The following TXNRD2 variants were observed in gnomAD, a reference collection of about 807,000 sequenced individuals.
TXNRD2 encodes thioredoxin reductase 2, mitochondrial.
Under a neutral mutation model 70.8 loss-of-function variants are expected in TXNRD2, and 67 were observed. The ratio of observed to expected loss-of-function variants is 0.95; its 90% CI spans 0.78 to 1.16. The LOEUF is 1.16. TXNRD2 is among the 50% of genes most tolerant of loss of function. TXNRD2 has a pLI of 0.00. For synonymous variants in TXNRD2, 301 were observed against 295.8 expected (o/e 1.02, Z -0.18); for missense variants, 644 against 719.9 (o/e 0.89, Z 1.21).
chr22:19,885,185 G>A (rs930656242), intron 11 of TXNRD2, among the ~76,000 whole-genome samples: 3 of 152,188 alleles, frequency 2.0e-5, no homozygotes, highest in African/African-American at 7.2e-5. Context: ...CCAGGCCAGC[G>A]GATGGCCACA....
intron 1 of TXNRD2, chr22:19,932,291 G>A: frequency 6.2e-7 from 1 of 1,611,614 alleles, no homozygotes; most frequent in Non-Finnish European, 8.5e-7. Flanking sequence ...TGGGCACAGG[G>A]AGAGCTGCCT....
chr22:19,878,133 G>A lies in TXNRD2; in HGVS notation c.1402C>T (p.Pro468Ser), dbSNP rs1290690507. 2 of 1,613,310 alleles carry A rather than the reference G, an allele frequency of 1.2e-6. No homozygotes were observed. The highest frequency in any genetic ancestry group is 1.3e-5 in the African/African-American group (1 of 74,910). The change falls in exon 16 of 18, where the codon CCC (proline) becomes TCC (serine). Residue 468 changes from proline (P) to serine (S), a missense_variant. This residue lies in a region of TXNRD2 where 566 missense variants were observed against 645.0 expected (regional missense o/e 0.88). Coordinates refer to ENST00000400521, the MANE Select transcript of TXNRD2 (RefSeq NM_006440.5). ...CCTTGAGTAACTTCGCCTGCGTTGG[G>A]GCCAAGGAAATGCAGGCCCAGCACC... ...QLVLGLHFLG[P>S]NAGEVTQGFA...
chr22:19,896,860 G>A (rs62222121), intron 10 of TXNRD2, among the ~76,000 whole-genome samples: 18,736 of 152,188 alleles, frequency 0.12, 1,283 homozygotes, highest in Non-Finnish European at 0.15. Flanking sequence ...CGCACAGGCT[G>A]TTCATCACTC....
intron 2 of TXNRD2, among the ~76,000 whole-genome samples, 157 bp downstream of exon 2, chr22:19,930,873 G>A (rs1013082929): frequency 6.6e-6 from 1 of 152,214 alleles, no homozygotes; most frequent in African/African-American, 2.4e-5. Flanking sequence ...CAGACAGCTG[G>A]AGAGTGGCAG....
Position 19,878,366 on chromosome 22 carries a change from C to T in TXNRD2, c.1347G>A (p.Lys449=). The T allele has an allele frequency of 6.2e-7, 1 of 1,613,842 alleles. No homozygotes were observed. The highest frequency in any genetic ancestry group is 1.1e-5 in the South Asian group (1 of 91,086). ...AGRDASQCYV[K]MVCLREPPQL... is the part of the protein sequence containing the mutation. ...CACCCTGGGCCACAGGGATGCTCAC[C>T]TTTACATAACACTGGGATGCATCTC... The change falls in exon 15 of 18, where the codon AAG becomes AAA. Residue 449 remains lysine, a splice_region_variant and synonymous_variant. Coordinates refer to ENST00000400521, the MANE Select transcript of TXNRD2 (RefSeq NM_006440.5).
At position 19,931,684 on chromosome 22, in the gene TXNRD2, G is replaced by A. The variant is rs550060968; in HGVS notation, c.104-586C>T. On this transcript the variant is annotated intron_variant, in intron 1 of 17. Coordinates refer to ENST00000400521, the MANE Select transcript of TXNRD2 (RefSeq NM_006440.5). ...ACGTCCAGCTAAATTTTTTTGTTTT[G>A]TAGAGATGGGGTCTGGCTATGTTGC... is the stretch of plus-strand genomic sequence containing the variant. 2.6e-5 allele frequency among the ~76,000 whole-genome samples: 4 copies of A among 152,152 alleles called. No homozygotes were observed. In the South Asian group the frequency reaches 6.2e-4, roughly 24 times the overall value.
In TXNRD2 at chr22:19,883,382, C is replaced by T. The variant is rs758006460; in HGVS notation, c.1029G>A (p.Val343=). 32 of 1,613,958 alleles carry T rather than the reference C, an allele frequency of 2.0e-5. 1 individual carries two copies. In the South Asian group the frequency reaches 3.5e-4, roughly 18 times the overall value. ...DTSPDTQKIL[V]DSREATSVPH... is the part of the protein sequence containing the mutation. ...GCACAGAGGTGGCTTCCCGGGAGTC[C>T]ACCAGGATCTTCTGAGTGTCGGGGC... The change falls in exon 12 of 18, where the codon GTG becomes GTA. Residue 343 remains valine (V), a synonymous_variant. Transcript: ENST00000400521.
rs1304773272 is a variant in TXNRD2 at position 19,880,520 on chromosome 22, T to C, written c.1182+102A>G. On this transcript the variant is annotated intron_variant, in intron 13 of 17. Coordinates refer to ENST00000400521, the MANE Select transcript of TXNRD2 (RefSeq NM_006440.5). Reference sequence around the variant, plus strand: ...GCGCACACACACGCATGCCCACATCTACATGCAGACACACAGCGCACAAAG... The same window carrying C: ...GCGCACACACACGCATGCCCACATCCACATGCAGACACACAGCGCACAAAG... 9.1e-6 allele frequency: 10 copies of C among 1,093,726 alleles called. No homozygotes were observed. The Admixed American group carries it at 1.8e-4, about 20-fold the overall frequency. 67.8% of individuals were successfully genotyped at this position (1,093,726 alleles called of 1,614,324 possible). A position where few individuals can be genotyped will look rare whatever the true frequency, so the allele number is the denominator to read the frequency against.
At chr22:19,933,515 C>A (rs1407985151) in intron 1 of TXNRD2, 1 of 1,288,722 alleles carries the variant, frequency 7.8e-7, no homozygotes, top group Non-Finnish European at 1.0e-6. Context: ...TCGCACTGTG[C>A]CCCCTCTGTC....
At chr22:19,925,140 CGGG>C (rs1569108178) in intron 2 of TXNRD2, among the ~76,000 whole-genome samples, 2 of 151,738 alleles carry the variant, frequency 1.3e-5, no homozygotes, top group African/African-American at 4.9e-5. Context: ...AAAAATTAGA[CGGG>C]CATGGTGGCA....
chr22:19,920,983 T>C (rs1390200961), intron 2 of TXNRD2, among the ~76,000 whole-genome samples: 2 of 150,150 alleles, frequency 1.3e-5, no homozygotes, highest in Non-Finnish European at 2.9e-5. Flanking sequence ...GGCAGGTGCC[T>C]ATAGTCCCAG....
chr22:19,915,069 G>A, intron 7 of TXNRD2, 145 bp downstream of exon 7: 1 of 797,828 alleles, frequency 1.3e-6, no homozygotes, highest in Non-Finnish European at 2.1e-6. Context: ...CAAGAGAATT[G>A]GAAAGCAGAA....
At chr22:19,906,378 C>G (rs1490672364) in intron 8 of TXNRD2, among the ~76,000 whole-genome samples, 5 of 152,174 alleles carry the variant, frequency 3.3e-5, no homozygotes, top group Admixed American at 2.0e-4. Context: ...ACCTGTAATC[C>G]CAGCACTTTG....
chr22:19,919,646 G>C, intron 2 of TXNRD2, 47 bp from the exon 3 acceptor site: 1 of 1,538,514 alleles, frequency 6.5e-7, no homozygotes, highest in Non-Finnish European at 8.8e-7. Context: ...AGCTGGCTCA[G>C]GACTCAAGAA....
At chr22:19,933,454 CCTT>C (rs750659235) in intron 1 of TXNRD2, 3 of 1,289,784 alleles carry the variant, frequency 2.3e-6, no homozygotes, top group South Asian at 1.2e-5. Context: ...AGGTGCCTGT[CCTT>C]CTTGTTGCCA....
chr22:19,899,626 C>T (rs754868119), intron 8 of TXNRD2, among the ~76,000 whole-genome samples: 5 of 152,236 alleles, frequency 3.3e-5, no homozygotes, highest in African/African-American at 4.8e-5. Context: ...ACACTGCGAC[C>T]AGCAGTCATT....
At chr22:19,903,829 C>T (rs530675297) in intron 8 of TXNRD2, among the ~76,000 whole-genome samples, 20 of 152,340 alleles carry the variant, frequency 1.3e-4, no homozygotes, top group Admixed American at 7.8e-4. Context: ...TGCAAGGCTG[C>T]ATGCCCCCTC....
At chr22:19,936,899 G>A (rs921634698) in intron 1 of TXNRD2, among the ~76,000 whole-genome samples, 11 of 152,164 alleles carry the variant, frequency 7.2e-5, no homozygotes, top group Middle Eastern at 3.2e-3. Context: ...GATTAGAGGC[G>A]TGGGCTTATT....
Position 19,919,425 on chromosome 22 carries a change from C to T in TXNRD2, c.229+118G>A, listed in dbSNP as rs148753257. On this transcript the variant is annotated intron_variant, in intron 3 of 17. Coordinates refer to ENST00000400521, the MANE Select transcript of TXNRD2 (RefSeq NM_006440.5). ...ATGATGAGTGAAACAGGACACTGTCCAGAAACCATGGACAGCAGGGCTGAA... is the reference window on the plus strand; with the variant it reads ...ATGATGAGTGAAACAGGACACTGTCTAGAAACCATGGACAGCAGGGCTGAA... 20 of 938,928 alleles carry T rather than the reference C, an allele frequency of 2.1e-5. No homozygotes were observed. The African/African-American group carries it at 2.9e-4, about 14-fold the overall frequency. 58.2% of individuals were successfully genotyped at this position (938,928 alleles called of 1,614,324 possible).
Sources: allele counts gnomAD v4.1 joint callset (sites outside exome capture counted in the v4.1 genomes callset), GRCh38; gene constraint gnomAD v4.1.1; regional missense constraint gnomAD v4.1.1; transcripts MANE v1.5; gene names NCBI Gene and HGNC (gene_info 2026-07-23, HGNC 2026-07-21).